The following TEAD2 variants were observed in gnomAD, a reference collection of about 807,000 sequenced individuals.
TEAD2 encodes the protein TEA domain transcription factor 2.
In TEAD2, 51 loss-of-function variants were observed where a neutral mutation model predicts 61.4. That is an observed-to-expected ratio of 0.83 (90% confidence interval 0.66 to 1.05). The LOEUF is 1.05. TEAD2 is among the 50% of genes least tolerant of loss of function. The pLI, the probability that TEAD2 is intolerant of heterozygous loss-of-function variation, is 0.00. For synonymous variants in TEAD2, 244 were observed against 243.2 expected, an observed-to-expected ratio of 1.00 and a Z score of -0.03; for missense variants, 509 against 600.0, an observed-to-expected ratio of 0.85 and a Z score of 1.58.
intron 7 of TEAD2, among the ~76,000 whole-genome samples, chr19:49,354,417 T>C (rs977944049): frequency 1.3e-5 from 2 of 151,620 alleles, no homozygotes. Flanking sequence ...GGCAAGAAGA[T>C]TGCTTGAACC....
In TEAD2 at chr19:49,355,425, G is replaced by C. The variant is rs1972323500; in HGVS notation, c.373-6C>G. 14 of 1,613,046 alleles carry C rather than the reference G, an allele frequency of 8.7e-6. No homozygotes were observed. Among genetic ancestry groups the C allele is most frequent in the Non-Finnish European group, 1.2e-5 (14 of 1,179,128 alleles). The stretch of plus-strand genomic sequence containing the variant: ...TTGTCCTTGGAAACCTGGTCCTGGA[G>C]GAGGAGGCGGAAGTTCATGTGAGAG... On this transcript the variant is annotated splice_region_variant and splice_polypyrimidine_tract_variant and intron_variant, in intron 5 of 12. Transcript: ENST00000593945.
intron 10 of TEAD2, among the ~76,000 whole-genome samples, chr19:49,346,711 G>C (rs1971666095): frequency 6.6e-6 from 1 of 152,152 alleles, no homozygotes; most frequent in African/African-American, 2.4e-5. Flanking sequence ...CCACTCCATG[G>C]CTCTTTTCAT....
chr19:49,343,886 A>C (rs1971471645), intron 10 of TEAD2, among the ~76,000 whole-genome samples: 2 of 140,838 alleles, frequency 1.4e-5, no homozygotes, highest in Admixed American at 7.4e-5. Context: ...TTGCTCCGTC[A>C]CCCAGGCAAT....
rs1444177034 is a variant in TEAD2, at chr19:49,355,206, C to T, written c.481G>A (p.Ala161Thr). ...GACCAAAACTGGAAAAGCTCAGAGGCCTGGATAGGACACAAAGAAAAATGG... is the reference window on the plus strand; with the variant it reads ...GACCAAAACTGGAAAAGCTCAGAGGTCTGGATAGGACACAAAGAAAAATGG... ...QAKLGPTGPQASELFQFWSGG... is the reference protein window; with the variant it reads ...QAKLGPTGPQTSELFQFWSGG... The change falls in exon 7 of 13, where the codon GCC becomes ACC. Residue 161 changes from alanine (A) to threonine (T), a missense_variant and splice_region_variant. Transcript: ENST00000593945. 6.2e-7 allele frequency: 1 copy of T among 1,613,162 alleles called. No individual in the cohort carries two copies. Among genetic ancestry groups the T allele is most frequent in the Non-Finnish European group, 8.5e-7 (1 of 1,179,614 alleles).
Position 49,359,537 on chromosome 19 carries a change from T to C in TEAD2, c.233-38A>G. The stretch of plus-strand genomic sequence containing the variant: ...AGACGGAACAGAGTTAGTTAGACTT[T>C]CAACAGAACTTCCCCACAGCATGGA... On this transcript the variant is annotated intron_variant, in intron 2 of 12. Coordinates refer to ENST00000593945, the MANE Select transcript of TEAD2 (RefSeq NM_001256660.2). The surrounding 1 kb of genome is among the most constrained non-coding windows in gnomAD (Gnocchi z 4.1). The C allele has an allele frequency of 6.2e-7, 1 of 1,607,964 alleles. No homozygotes were observed. The highest frequency in any genetic ancestry group is 8.5e-7 in the Non-Finnish European group (1 of 1,174,608).
chr19:49,349,997 T>C (rs1427366486), intron 8 of TEAD2, among the ~76,000 whole-genome samples: 1 of 152,230 alleles, frequency 6.6e-6, no homozygotes, highest in Non-Finnish European at 1.5e-5. Flanking sequence ...ATGCTTTTAC[T>C]ATTTAAGGCA....
At chr19:49,349,462 CAAA>C (rs754141778) in intron 8 of TEAD2, among the ~76,000 whole-genome samples, 2 of 97,452 alleles carry the variant, frequency 2.1e-5, no homozygotes. Context: ...GACTCTGTCT[CAAA>C]AAAAAAAAAA....
Position 49,355,159 on chromosome 19 carries a change from C to A in TEAD2, c.528G>T (p.Trp176Cys), listed in dbSNP as rs1375459872. 1 of 1,609,460 alleles carries A rather than the reference C, an allele frequency of 6.2e-7. No homozygotes were observed. The highest frequency in any genetic ancestry group is 1.7e-5 in the Admixed American group (1 of 59,442). Reference sequence around the variant, plus strand: ...CACATAGTACTCACTCTGGAACATTCCAGGGGGGCCCAGATCCTCCAGACC... The same window carrying A: ...CACATAGTACTCACTCTGGAACATTACAGGGGGGCCCAGATCCTCCAGACC... ...QFWSGGSGPP[W>C]NVPDVKPFSQ... The change falls in exon 7 of 13, where the codon TGG (tryptophan) becomes TGT (cysteine). Residue 176 changes from tryptophan to cysteine, a missense_variant. Physicochemically the swap from Trp to Cys is radical, Grantham distance 215. Transcript: ENST00000593945.
intron 8 of TEAD2, 99 bp from the exon 9 acceptor site, chr19:49,348,944 G>C: frequency 7.2e-7 from 1 of 1,397,634 alleles, no homozygotes; most frequent in South Asian, 1.6e-5. Context: ...AGCTGAAAAA[G>C]CTAAATACTC....
At chr19:49,361,646 A>C (rs961433856) in intron 1 of TEAD2, 1 of 152,256 alleles carries the variant, frequency 6.6e-6, no homozygotes, top group Admixed American at 6.5e-5. Flanking sequence ...ATCCAACTCA[A>C]GTTCCCAGTG....
intron 10 of TEAD2, among the ~76,000 whole-genome samples, chr19:49,343,857 G>T (rs1386570745): frequency 8.0e-6 from 1 of 125,152 alleles, no homozygotes; most frequent in African/African-American, 2.7e-5. Context: ...TTTTTTTTTG[G>T]GGGGGGGGGA....
intron 4 of TEAD2, among the ~76,000 whole-genome samples, chr19:49,356,742 C>G (rs189820543): frequency 1.3e-5 from 2 of 152,012 alleles, no homozygotes; most frequent in African/African-American, 4.8e-5. Flanking sequence ...GGGAGGGGAC[C>G]GACGGCCCAT....
chr19:49,351,234 G>T, intron 8 of TEAD2, 67 bp downstream of exon 8: 2 of 1,455,692 alleles, frequency 1.4e-6, no homozygotes, highest in Admixed American at 2.2e-5. Context: ...ATGGAAGGTT[G>T]AAGGAAAGGC....
chr19:49,346,272 C>T (rs923506910), intron 10 of TEAD2, among the ~76,000 whole-genome samples: 4 of 151,928 alleles, frequency 2.6e-5, no homozygotes, highest in South Asian at 4.2e-4. Context: ...CTAAGAAACA[C>T]GCAAGATGGG....
chr19:49,349,181 C>T (rs180673940), intron 8 of TEAD2: 2 of 191,182 alleles, frequency 1.0e-5, no homozygotes, highest in African/African-American at 4.7e-5. Flanking sequence ...ATGTGATCCC[C>T]AGCTGGGCAC....
intron 3 of TEAD2, among the ~76,000 whole-genome samples, chr19:49,358,093 G>C (rs1392377418): frequency 1.3e-5 from 2 of 152,196 alleles, no homozygotes; most frequent in Non-Finnish European, 2.9e-5. Context: ...AATTAGCCAG[G>C]TGTGGTGGTG....
At chr19:49,350,323 T>G (rs1165391520) in intron 8 of TEAD2, among the ~76,000 whole-genome samples, 11 of 152,210 alleles carry the variant, frequency 7.2e-5, no homozygotes, top group Admixed American at 5.2e-4. Flanking sequence ...TTTATTTTAT[T>G]TATTTATTTA....
intron 10 of TEAD2, 36 bp from the exon 11 acceptor site, chr19:49,343,434 A>T: frequency 6.4e-7 from 1 of 1,572,070 alleles, no homozygotes; most frequent in African/African-American, 1.3e-5. Context: ...GTCAGAGGGG[A>T]CATCCCTTAT....
At chr19:49,342,696 C>A (rs1971380749) in intron 11 of TEAD2, 106 bp from the exon 12 acceptor site, 1 of 1,386,120 alleles carries the variant, frequency 7.2e-7, no homozygotes, top group African/African-American at 1.4e-5. Flanking sequence ...CACACTCACT[C>A]TCACTGCCAC....
Sources: allele counts gnomAD v4.1 joint callset (sites outside exome capture counted in the v4.1 genomes callset), GRCh38; gene constraint gnomAD v4.1.1; non-coding constraint Gnocchi (gnomAD v3.1); transcripts MANE v1.5; gene names NCBI Gene and HGNC (gene_info 2026-07-23, HGNC 2026-07-21).